Variants in NLRP1 observed in about 807,000 individuals in gnomAD.
NLRP1 encodes the protein NLR family pyrin domain containing 1, also known as NACHT, LRR and PYD domains-containing protein 1.
A neutral mutation model predicts 136.7 loss-of-function variants in NLRP1; 94 were observed. The ratio of observed to expected loss-of-function variants is 0.69; its 90% CI spans 0.58 to 0.82. The LOEUF (loss-of-function observed/expected upper bound fraction) is 0.82. Ranked by LOEUF, NLRP1 falls within the 40% of genes least tolerant of loss-of-function variation. The pLI is 0.00. For missense variants in NLRP1, 1,575 were observed against 1,802.7 expected (o/e 0.87, Z 2.29); for synonymous variants, 690 against 725.1 (o/e 0.95, Z 0.78).
At position 5,583,720 on chromosome 17, in the gene NLRP1, T is replaced by C; in HGVS notation, c.238A>G (p.Arg80Gly). The change falls in exon 1 of 17, where the codon AGG becomes GGG. Residue 80 changes from arginine (R) to glycine (G), a missense_variant. Arg to Gly is a moderately radical substitution (Grantham distance 125, BLOSUM62 -2). Transcript: ENST00000572272. The surrounding 1 kb of genome is among the most constrained non-coding windows in gnomAD (Gnocchi z 4.5). ...ALHTWEQMGL[R>G]SLCAQAQEGA... is the part of the protein sequence containing the mutation. The stretch of plus-strand genomic sequence containing the variant: ...TCCTGGGCTTGGGCGCACAGTGACC[T>C]CAGCCCCATCTGCTCCCAGGTATGG... 1 of 1,553,952 alleles carries C rather than the reference T, an allele frequency of 6.4e-7. No individual in the cohort carries two copies. Among genetic ancestry groups the C allele is most frequent in the Non-Finnish European group, 8.7e-7 (1 of 1,148,930 alleles).
In NLRP1 at chr17:5,533,379, C is replaced by A. The variant is rs35728399; in HGVS notation, c.3058G>T (p.Ala1020Ser). The A allele has an allele frequency of 1.4e-5, 16 of 1,150,154 alleles. No individual in the cohort carries two copies. The South Asian group carries it at 1.7e-4, about 12-fold the overall frequency. The allele number at this position is 1,150,154 out of a possible 1,614,324, so 71.2% of individuals were successfully genotyped here. The part of the protein sequence containing the change: ...LKRQRLGSER[A>S]ASHVAQANLK... ...TTAGCCTGAGCAACATGGGAAGCCGCCCTCTCTACAGAAAAAAGAAAAATA... is the reference window on the plus strand; with the variant it reads ...TTAGCCTGAGCAACATGGGAAGCCGACCTCTCTACAGAAAAAAGAAAAATA... Residue 1020 changes from alanine to serine, a missense_variant, in exon 10 of 17, where the codon GCG (alanine) becomes TCG (serine). Physicochemically the swap from Ala to Ser is moderately conservative, Grantham distance 99. Coordinates refer to ENST00000572272, the MANE Select transcript of NLRP1 (RefSeq NM_033004.4).
intron 3 of NLRP1, among the ~76,000 whole-genome samples, chr17:5,568,047 G>A (rs891450320): frequency 1.3e-5 from 2 of 151,972 alleles, no homozygotes; most frequent in African/African-American, 4.8e-5. Flanking sequence ...AGTCTACTTT[G>A]GGTTAAATCT....
rs201840713 is a variant in NLRP1, at chr17:5,521,713, G to T, written c.3594C>A (p.Ala1198=). 4 of 1,613,310 alleles carry T rather than the reference G, an allele frequency of 2.5e-6. No homozygotes were observed. The African/African-American group carries it at 5.3e-5, about 22-fold the overall frequency. ...GAACTATGTGATGCAGCTCCACCCT[G>T]GCTGGCTTCTCCAGGAGCATCCCCT... ...KEEGMLLEKP[A]RVELHHIVLE... is the part of the protein sequence containing the mutation. Residue 1198 remains alanine, a synonymous_variant, in exon 13 of 17, where the codon GCC becomes GCA. Coordinates refer to ENST00000572272, the MANE Select transcript of NLRP1 (RefSeq NM_033004.4).
At chr17:5,515,758 A>G (rs1414800385) in intron 15 of NLRP1, among the ~76,000 whole-genome samples, 2 of 152,224 alleles carry the variant, frequency 1.3e-5, no homozygotes, top group African/African-American at 4.8e-5. Context: ...GTAATAGAAG[A>G]CATCCAAATG....
rs1158408488 is a variant in NLRP1 at position 5,530,475 on chromosome 17, G to A, written c.3520+6C>T. ...ACCTTCCTCCCTATCCTTCCCTGTT[G>A]TTTACCTTGGAGAGCCACAAAGTGA... On this transcript the variant is annotated splice_donor_region_variant and intron_variant, in intron 12 of 16. Transcript: ENST00000572272. 6.2e-7 allele frequency: 1 copy of A among 1,611,942 alleles called. No individual in the cohort carries two copies.
In NLRP1 at chr17:5,533,551, G is replaced by GTTTTTTTTTTTTTT. The variant is rs35006823; in HGVS notation, c.3053-181_3053-168dup. On this transcript the variant is annotated intron_variant, in intron 9 of 16. Coordinates refer to ENST00000572272, the MANE Select transcript of NLRP1 (RefSeq NM_033004.4). The stretch of plus-strand genomic sequence containing the variant: ...AGCCTGAACACTAGAGTGAGACTCT[G>GTTTTTTTTTTTTTT]TTTTTTTTTTTTTTTTTTTTTTTTT... 2.5e-3 allele frequency among the ~76,000 whole-genome samples: 228 copies of GTTTTTTTTTTTTTT among 90,024 alleles called. 2 individuals are homozygous for GTTTTTTTTTTTTTT. The highest frequency in any genetic ancestry group is 7.1e-3 in the Middle Eastern group (1 of 140). 59.1% of individuals were successfully genotyped at this position (90,024 alleles called of 152,430 possible). A position where few individuals can be genotyped will look rare whatever the true frequency, so the allele number is the denominator to read the frequency against.
chr17:5,501,975 G>A (rs1349639245), intron 15 of NLRP1: 3 of 1,036,236 alleles, frequency 2.9e-6, no homozygotes, highest in Non-Finnish European at 3.0e-6. Context: ...AACTCAAACT[G>A]CCATCAGAGA....
intron 5 of NLRP1, among the ~76,000 whole-genome samples, chr17:5,542,967 T>C (rs1912067734): frequency 6.6e-6 from 1 of 152,082 alleles, no homozygotes; most frequent in African/African-American, 2.4e-5. Flanking sequence ...GTAGCTGGGA[T>C]TACAGGTGCC....
intron 4 of NLRP1, among the ~76,000 whole-genome samples, chr17:5,556,812 T>C (rs1477530503): frequency 1.3e-5 from 2 of 152,040 alleles, no homozygotes; most frequent in African/African-American, 4.8e-5. Context: ...TTAGTAGAGA[T>C]GGGGTTTCAC....
Position 5,541,893 on chromosome 17 carries a change from C to G in NLRP1, c.2663G>C (p.Arg888Thr). 6.2e-7 allele frequency: 1 copy of G among 1,614,096 alleles called. No individual in the cohort carries two copies. ...TAGCTTGCAGCTCGGCTGTCTCAGTCTCTGGCAAAGGTGTTTGGCTCCAGC... is the reference window on the plus strand; with the variant it reads ...TAGCTTGCAGCTCGGCTGTCTCAGTGTCTGGCAAAGGTGTTTGGCTCCAGC... ...TDAGAKHLCQ[R>T]LRQPSCKLQR... Residue 888 changes from arginine (R) to threonine (T), a missense_variant, in exon 6 of 17, where the codon AGA (arginine) becomes ACA (threonine). Physicochemically the swap from Arg to Thr is moderately conservative, Grantham distance 71. Transcript: ENST00000572272. The surrounding 1 kb of genome is among the most constrained non-coding windows in gnomAD (Gnocchi z 4.2).
At chr17:5,551,913 G>A (rs1913410422) in intron 5 of NLRP1, among the ~76,000 whole-genome samples, 1 of 151,960 alleles carries the variant, frequency 6.6e-6, no homozygotes, top group Non-Finnish European at 1.5e-5. Context: ...ATGACAACAG[G>A]CACACATCAT....
chr17:5,538,231 G>A (rs554386709), intron 7 of NLRP1, among the ~76,000 whole-genome samples: 120 of 152,272 alleles, frequency 7.9e-4, no homozygotes, highest in African/African-American at 2.8e-3. Context: ...TCCCAGGGAG[G>A]TGGAGGGGAG....
At chr17:5,550,294 G>C (rs1913174950) in intron 5 of NLRP1, among the ~76,000 whole-genome samples, 1 of 152,046 alleles carries the variant, frequency 6.6e-6, no homozygotes, top group Admixed American at 6.6e-5. Context: ...TTAAATATTT[G>C]GTAGAATTCA....
intron 5 of NLRP1, among the ~76,000 whole-genome samples, chr17:5,551,187 A>G (rs930944135): frequency 6.6e-6 from 1 of 152,126 alleles, no homozygotes; most frequent in Non-Finnish European, 1.5e-5. Context: ...GTGCTCTATT[A>G]ATTCCTCCCT....
chr17:5,531,173 A>AATCTATCT (rs5819032), intron 11 of NLRP1, among the ~76,000 whole-genome samples: 6,539 of 141,224 alleles, frequency 0.046, 182 homozygotes, highest in East Asian at 0.096. Flanking sequence ...TAATCTATCT[A>AATCTATCT]ATCTATCTAT....
intron 15 of NLRP1, chr17:5,505,009 A>G (rs1907267125): frequency 6.6e-6 from 1 of 152,248 alleles, no homozygotes; most frequent in Admixed American, 6.6e-5. Context: ...CCTGGGCTAT[A>G]GCTATTTGTT....
rs769035224 is a variant in NLRP1, at chr17:5,530,578, T to C, written c.3423A>G (p.Pro1141=). Reference sequence around the variant, plus strand: ...GCCCTGCCACCATCCAGCTGTGCTGTGGGTTGATCTCACCCAGGAACTGGT... The same window carrying C: ...GCCCTGCCACCATCCAGCTGTGCTGCGGGTTGATCTCACCCAGGAACTGGT... ...VWDQFLGEIN[P]QHSWMVAGPL... Residue 1141 remains proline, a synonymous_variant, in exon 12 of 17, where the codon CCA becomes CCG. Coordinates refer to ENST00000572272, the MANE Select transcript of NLRP1 (RefSeq NM_033004.4). 6.2e-7 allele frequency: 1 copy of C among 1,614,224 alleles called. No homozygotes were observed. The highest frequency in any genetic ancestry group is 1.1e-5 in the South Asian group (1 of 91,086).
intron 8 of NLRP1, among the ~76,000 whole-genome samples, chr17:5,534,888 C>G (rs1307278343): frequency 6.6e-6 from 1 of 152,166 alleles, no homozygotes; most frequent in Non-Finnish European, 1.5e-5. Context: ...TCCATCGGTT[C>G]TCAAACTGTG....
exon 16 of NLRP1, chr17:5,501,821 C>G (rs1253559274): frequency 4.3e-6 from 7 of 1,613,764 alleles, no homozygotes; most frequent in Non-Finnish European, 5.9e-6. Context: ...GCACTAGTAT[C>G]TCCTGGCGTC....
Sources: allele counts gnomAD v4.1 joint callset (sites outside exome capture counted in the v4.1 genomes callset), GRCh38; gene constraint gnomAD v4.1.1; non-coding constraint Gnocchi (gnomAD v3.1); transcripts MANE v1.5; gene names NCBI Gene and HGNC (gene_info 2026-07-23, HGNC 2026-07-21).